The following PODNL1 variants were observed in gnomAD, a reference collection of about 807,000 sequenced individuals.
PODNL1 encodes podocan like 1, also known as podocan-like protein 1.
PODNL1 carries 50 observed loss-of-function variants against 45.1 expected under a neutral mutation model. That is an observed-to-expected ratio of 1.11 (90% CI 0.88 to 1.40). The LOEUF (loss-of-function observed/expected upper bound fraction) is 1.40. Among genes scored for constraint, PODNL1 ranks in the 40% most tolerant of loss-of-function variants. The pLI is 0.00. For synonymous variants in PODNL1, 406 were observed against 372.5 expected, an observed-to-expected ratio of 1.09 and a Z score of -1.04; for missense variants, 788 against 793.3, an observed-to-expected ratio of 0.99 and a Z score of 0.08.
intron 1 of PODNL1, among the ~76,000 whole-genome samples, chr19:13,946,944 G>A (rs912438645): frequency 6.6e-6 from 1 of 150,604 alleles, no homozygotes; most frequent in Admixed American, 6.7e-5. Flanking sequence ...CCAGCTACTC[G>A]GGAGGCTGAG....
In PODNL1 at chr19:13,932,789, G is replaced by A; in HGVS notation, c.1425+9C>T. On this transcript the variant is annotated intron_variant, in intron 8 of 9. Coordinates refer to ENST00000588872, the MANE Select transcript of PODNL1 (RefSeq NM_001370095.3). Reference sequence around the variant, plus strand: ...TGGGGACAGTGTGGCTAACCAGCCTGTGCCTGACCTGGAGGGCTTGGAGCT... The same window carrying A: ...TGGGGACAGTGTGGCTAACCAGCCTATGCCTGACCTGGAGGGCTTGGAGCT... 1 of 1,613,024 alleles carries A rather than the reference G, an allele frequency of 6.2e-7. No individual in the cohort carries two copies. The highest frequency in any genetic ancestry group is 8.5e-7 in the Non-Finnish European group (1 of 1,180,022).
chr19:13,937,551 AC>A (rs1437179127), intron 2 of PODNL1, among the ~76,000 whole-genome samples: 1 of 151,630 alleles, frequency 6.6e-6, no homozygotes, highest in African/African-American at 2.4e-5. Context: ...TGACCCTAAC[AC>A]CACTAATCCT....
chr19:13,949,861 A>G (rs1030622659), intron 1 of PODNL1, among the ~76,000 whole-genome samples: 5 of 146,936 alleles, frequency 3.4e-5, no homozygotes, highest in African/African-American at 1.0e-4. Context: ...ACTCCGCTAA[A>G]TTATTTATTT....
Position 13,931,956 on chromosome 19 carries a change from C to G in PODNL1, c.1574+8G>C. On this transcript the variant is annotated splice_region_variant and intron_variant, in intron 9 of 9. Coordinates refer to ENST00000588872, the MANE Select transcript of PODNL1 (RefSeq NM_001370095.3). ...CCACCTCCACCCCTCCGGTCACCCT[C>G]GGGGCACCTGAGGAAGAGGGCACGC... The G allele has an allele frequency of 8.1e-7, 1 of 1,232,302 alleles. No individual in the cohort carries two copies. The highest frequency in any genetic ancestry group is 1.0e-6 in the Non-Finnish European group (1 of 988,092). The allele number at this position is 1,232,302 out of a possible 1,614,324, so 76.3% of individuals were successfully genotyped here.
upstream of PODNL1, among the ~76,000 whole-genome samples, chr19:13,939,363 C>T (rs1419929727): frequency 1.3e-5 from 2 of 152,168 alleles, no homozygotes; most frequent in African/African-American, 4.8e-5. Flanking sequence ...AGGCGCCTCC[C>T]ACCATGCCCA....
At chr19:13,948,175 T>C (rs992404262) in intron 1 of PODNL1, among the ~76,000 whole-genome samples, 1 of 151,420 alleles carries the variant, frequency 6.6e-6, no homozygotes, top group Non-Finnish European at 1.5e-5. Flanking sequence ...CCACGGCCAA[T>C]ATTCTCCATT....
At chr19:13,942,274 C>T (rs1040521203), upstream of PODNL1, among the ~76,000 whole-genome samples, 2 of 152,176 alleles carry the variant, frequency 1.3e-5, no homozygotes, top group Non-Finnish European at 2.9e-5. Flanking sequence ...TAGATGAATT[C>T]TCTCTTGAAC....
At chr19:13,953,273 G>GAAACTCCCA in exon 1 of PODNL1, 1 of 804,436 alleles carries the variant, frequency 1.2e-6, no homozygotes, top group Non-Finnish European at 1.9e-6. Flanking sequence ...CATCAGTTTG[G>GAAACTCCCA]GAGCTCTGGA....
intron 1 of PODNL1, among the ~76,000 whole-genome samples, chr19:13,947,030 C>T (rs78349662): frequency 1.2e-5 from 1 of 83,758 alleles, no homozygotes; most frequent in Non-Finnish European, 2.6e-5. Context: ...CAGCCTGTCT[C>T]AAAAAAAAAA....
In PODNL1 at chr19:13,948,168, C is replaced by T. The variant is rs545459854; in HGVS notation, c.18+4951G>A. ...CTGAGATTACAGGCGTGAGCCACCA[C>T]GGCCAATATTCTCCATTTTCTTTTC... On this transcript the variant is annotated intron_variant, in intron 1 of 7. Transcript: ENST00000538371. Among the ~76,000 whole-genome samples the T allele has an allele frequency of 1.9e-4, 29 of 151,926 alleles. 1 individual carries two copies. Among genetic ancestry groups the T allele is most frequent in the South Asian group, 8.3e-4 (4 of 4,820 alleles).
At chr19:13,938,586 T>C, upstream of PODNL1, 1 of 515,922 alleles carries the variant, frequency 1.9e-6, no homozygotes, top group Non-Finnish European at 2.5e-6. Context: ...TGGGGGGAGC[T>C]TCGGGGCACA....
intron 1 of PODNL1, among the ~76,000 whole-genome samples, chr19:13,946,880 T>G (rs1302086903): frequency 6.6e-6 from 1 of 151,100 alleles, no homozygotes; most frequent in Non-Finnish European, 1.5e-5. Flanking sequence ...GTGAAACCCC[T>G]TCTCTACTAA....
chr19:13,942,656 A>G (rs1052680772), upstream of PODNL1, among the ~76,000 whole-genome samples: 1 of 152,122 alleles, frequency 6.6e-6, no homozygotes, highest in African/African-American at 2.4e-5. Context: ...GGAGCCTGGT[A>G]TAATCAGTAT....
At chr19:13,936,225 T>G in intron 3 of PODNL1, 142 bp downstream of exon 3, 2 of 990,570 alleles carry the variant, frequency 2.0e-6, no homozygotes, top group Non-Finnish European at 1.5e-6. Context: ...CCCCAGCTCC[T>G]GAGTTTCCAT....
chr19:13,940,015 TC>T, upstream of PODNL1: 1 of 151,802 alleles, frequency 6.6e-6, no homozygotes. Flanking sequence ...TGCACGCCAC[TC>T]TGGGCAACAG....
chr19:13,936,304 T>C, intron 3 of PODNL1, 63 bp downstream of exon 3: 3 of 1,442,144 alleles, frequency 2.1e-6, no homozygotes, highest in Admixed American at 3.4e-5. Flanking sequence ...GGGAGGGGGA[T>C]GGCAGCTGAG....
upstream of PODNL1, among the ~76,000 whole-genome samples, chr19:13,938,716 T>G (rs1313534118): frequency 2.0e-5 from 3 of 151,220 alleles, no homozygotes; most frequent in African/African-American, 7.3e-5. Flanking sequence ...GGCACCCACC[T>G]CCCCTCTGCT....
intron 8 of PODNL1, 52 bp downstream of exon 8, chr19:13,932,746 A>T (rs1599422365): frequency 6.8e-6 from 11 of 1,611,926 alleles, no homozygotes; most frequent in Non-Finnish European, 9.3e-6. Context: ...CAGGGCAGGC[A>T]GGGGGATGGA....
intron 5 of PODNL1, 83 bp downstream of exon 5, chr19:13,935,638 C>T (rs1347672749): frequency 8.9e-7 from 1 of 1,122,628 alleles, no homozygotes; most frequent in African/African-American, 1.6e-5. Context: ...AGGGCAAGGT[C>T]TTAACTCCCT....
Sources: allele counts gnomAD v4.1 joint callset (sites outside exome capture counted in the v4.1 genomes callset), GRCh38; gene constraint gnomAD v4.1.1; transcripts MANE v1.5; gene names NCBI Gene and HGNC (gene_info 2026-07-23, HGNC 2026-07-21).